The following NRSN1 variants were observed in gnomAD, a reference collection of about 807,000 sequenced individuals.
NRSN1 encodes the protein neurensin-1.
A neutral mutation model predicts 17.3 loss-of-function variants in NRSN1; 14 were observed. That is an observed-to-expected ratio of 0.81 (90% confidence interval 0.54 to 1.27). The LOEUF is 1.27. NRSN1 is among the 50% of genes most tolerant of loss of function. NRSN1 has a pLI of 0.00. For missense variants in NRSN1, 209 were observed against 235.9 expected (o/e 0.89, Z 0.75); for synonymous variants, 79 against 94.2 (o/e 0.84, Z 0.93).
intron 3 of NRSN1, chr6:24,141,012 G>A: frequency 6.8e-7 from 1 of 1,471,500 alleles, no homozygotes; most frequent in South Asian, 1.4e-5. Context: ...TGTTTCGGGA[G>A]TTTGTCACCA....
At chr6:24,130,490 A>C (rs1367817034) in intron 2 of NRSN1, among the ~76,000 whole-genome samples, 2 of 152,272 alleles carry the variant, frequency 1.3e-5, no homozygotes, top group East Asian at 3.9e-4. Flanking sequence ...TCACTCTAAC[A>C]TGTTATATTT....
chr6:24,126,750 G>A (rs1050558162), intron 1 of NRSN1, among the ~76,000 whole-genome samples: 1 of 152,142 alleles, frequency 6.6e-6, no homozygotes, highest in Non-Finnish European at 1.5e-5. Context: ...AGGCTGAATT[G>A]AGCCCCCACT....
At chr6:24,133,851 T>C (rs972283370) in intron 2 of NRSN1, among the ~76,000 whole-genome samples, 11 of 152,186 alleles carry the variant, frequency 7.2e-5, no homozygotes, top group Admixed American at 3.3e-4. Flanking sequence ...TTGTTTGTTT[T>C]ATTGAGACGG....
At chr6:24,131,397 A>AT (rs759824793) in intron 2 of NRSN1, among the ~76,000 whole-genome samples, 17 of 151,740 alleles carry the variant, frequency 1.1e-4, no homozygotes, top group African/African-American at 2.7e-4. Flanking sequence ...GCTATGAGGG[A>AT]TTTTTTTTTA....
chr6:24,127,692 T>C (rs1482664177), intron 1 of NRSN1, among the ~76,000 whole-genome samples: 2 of 152,134 alleles, frequency 1.3e-5, no homozygotes, highest in Non-Finnish European at 2.9e-5. Flanking sequence ...GAAAATATAG[T>C]GATTATAGGA....
chr6:24,133,087 C>T (rs1284114072), intron 2 of NRSN1, among the ~76,000 whole-genome samples: 1 of 151,794 alleles, frequency 6.6e-6, no homozygotes, highest in Non-Finnish European at 1.5e-5. Flanking sequence ...CATATAAATG[C>T]CTCTCTCTAA....
chr6:24,142,213 T>C lies in NRSN1; in HGVS notation c.190-3335T>C, dbSNP rs76972999. Among the ~76,000 whole-genome samples, 139 of 132,604 alleles carry C rather than the reference T, an allele frequency of 1.0e-3. 1 individual carries two copies. The highest frequency in any genetic ancestry group is 4.1e-3 in the Middle Eastern group (1 of 244). The allele number at this position is 132,604 out of a possible 152,430, so 87.0% of individuals were successfully genotyped here. A position where few individuals can be genotyped will look rare whatever the true frequency, so the allele number is the denominator to read the frequency against. ...CAGCTTTTTTTTTTTTTTTTTTTTT[T>C]TCAGAAGACATCCTATTGACTCTTT... is the stretch of plus-strand genomic sequence containing the variant. On this transcript the variant is annotated intron_variant, in intron 3 of 3. Transcript: ENST00000378491.
At chr6:24,126,580 GGTGGTTT>G (rs1480726831) in intron 1 of NRSN1, among the ~76,000 whole-genome samples, 1 of 152,140 alleles carries the variant, frequency 6.6e-6, no homozygotes, top group East Asian at 1.9e-4. Context: ...TCCATGCTTT[GGTGGTTT>G]GTGGTTTGTG....
Position 24,134,327 on chromosome 6 carries a change from G to T in NRSN1, c.-1G>T, listed in dbSNP as rs772376633. ...GGATGTTGTCATTCCAGCTGGGAAGGATGAGTTCTTGCAGCAACGTCTGTG... is the reference window on the plus strand; with the variant it reads ...GGATGTTGTCATTCCAGCTGGGAAGTATGAGTTCTTGCAGCAACGTCTGTG... On this transcript the variant is annotated 5_prime_UTR_variant, in exon 3 of 4. Transcript: ENST00000378491. 39 of 1,613,532 alleles carry T rather than the reference G, an allele frequency of 2.4e-5. No homozygotes were observed. Among genetic ancestry groups the T allele is most frequent in the Admixed American group, 1.7e-5 (1 of 59,936 alleles).
rs1462986416 is a variant in NRSN1 at position 24,147,454 on chromosome 6, T to G, written c.*1508T>G. Reference sequence around the variant, plus strand: ...CAGTGTGGTTATTTTCTCTCCAACATGTAATTTTCCATTCTGAGACTGAAT... The same window carrying G: ...CAGTGTGGTTATTTTCTCTCCAACAGGTAATTTTCCATTCTGAGACTGAAT... On this transcript the variant is annotated 3_prime_UTR_variant, in exon 4 of 4. Coordinates refer to ENST00000378491, the MANE Select transcript of NRSN1 (RefSeq NM_080723.5). 4 of 151,192 alleles carry G rather than the reference T, an allele frequency of 2.6e-5. No individual in the cohort carries two copies. The highest frequency in any genetic ancestry group is 2.0e-4 in the Admixed American group (3 of 15,164). The allele number at this position is 151,192 out of a possible 1,614,324, so 9.4% of individuals were successfully genotyped here.
chr6:24,140,017 G>A (rs890325336), intron 3 of NRSN1, among the ~76,000 whole-genome samples: 3 of 152,194 alleles, frequency 2.0e-5, no homozygotes, highest in East Asian at 3.8e-4. Context: ...TTGGAGCAGA[G>A]ATACACAGAG....
At chr6:24,134,004 T>TTGTGTGTGTGTGTGTGTGTGTGTG (rs71002461) in intron 2 of NRSN1, among the ~76,000 whole-genome samples, 3 of 132,858 alleles carry the variant, frequency 2.3e-5, no homozygotes, top group African/African-American at 5.8e-5. Flanking sequence ...ACCCAGCTAA[T>TTGTGTGTGTGTGTGTGTGTGTGTG]TGTGTGTGTG....
At chr6:24,131,159 A>G (rs982321057) in intron 2 of NRSN1, among the ~76,000 whole-genome samples, 7 of 152,234 alleles carry the variant, frequency 4.6e-5, no homozygotes, top group African/African-American at 1.7e-4. Flanking sequence ...ACTCAGGCTC[A>G]AAAACATGTG....
chr6:24,135,246 A>G (rs893474854), intron 3 of NRSN1, among the ~76,000 whole-genome samples: 1 of 152,172 alleles, frequency 6.6e-6, no homozygotes, highest in Non-Finnish European at 1.5e-5. Context: ...GGTGATGGAG[A>G]CTGGTATTTG....
chr6:24,134,636 A>G, intron 3 of NRSN1, 120 bp downstream of exon 3: 1 of 764,192 alleles, frequency 1.3e-6, no homozygotes, highest in Non-Finnish European at 2.1e-6. Flanking sequence ...TCTTGGTGAT[A>G]CTAAATGCAT....
intron 3 of NRSN1, among the ~76,000 whole-genome samples, chr6:24,137,516 T>C (rs1345277641): frequency 6.6e-6 from 1 of 151,790 alleles, no homozygotes; most frequent in Non-Finnish European, 1.5e-5. Flanking sequence ...GTACACAGAT[T>C]GTTGTTGTTT....
chr6:24,141,395 G>C lies in NRSN1; in HGVS notation c.190-4153G>C, dbSNP rs371984267. 13 of 429,352 alleles carry C rather than the reference G, an allele frequency of 3.0e-5. No individual in the cohort carries two copies. The East Asian group carries it at 5.7e-4, about 19-fold the overall frequency. 26.6% of individuals were successfully genotyped at this position (429,352 alleles called of 1,614,324 possible). A position where few individuals can be genotyped will look rare whatever the true frequency, so the allele number is the denominator to read the frequency against. ...CTCACCTCCCATATGCTACTCATGA[G>C]ACTCCTTCGTACCTATCATCCCACG... On this transcript the variant is annotated intron_variant, in intron 3 of 3. Transcript: ENST00000378491.
chr6:24,137,804 G>A (rs539402933), intron 3 of NRSN1, among the ~76,000 whole-genome samples: 24 of 152,190 alleles, frequency 1.6e-4, no homozygotes, highest in Admixed American at 8.5e-4. Flanking sequence ...GGAGCACAGA[G>A]GGGCAGGGTG....
rs1235646213 is a variant in NRSN1, at chr6:24,145,038, GATAT to G, written c.190-505_190-502del. 7.1e-6 allele frequency among the ~76,000 whole-genome samples: 1 copy of G among 140,056 alleles called. No homozygotes were observed. Among genetic ancestry groups the G allele is most frequent in the Non-Finnish European group, 1.5e-5 (1 of 65,190 alleles). 91.9% of individuals were successfully genotyped at this position (140,056 alleles called of 152,430 possible). ...ATTACATATCTACTTTTAGATATATGATATATATTATATATAATATATATCTTTA... is the reference window on the plus strand; with the variant it reads ...ATTACATATCTACTTTTAGATATATGATATTATATATAATATATATCTTTA... On this transcript the variant is annotated intron_variant, in intron 3 of 3. Coordinates refer to ENST00000378491, the MANE Select transcript of NRSN1 (RefSeq NM_080723.5). The surrounding 1 kb of genome is among the most constrained non-coding windows in gnomAD (Gnocchi z 4.4).
Sources: gnomAD v4.1 joint callset for allele counts (sites outside exome capture counted in the v4.1 genomes callset) on GRCh38, gnomAD v4.1.1 for gene constraint, Gnocchi (gnomAD v3.1) non-coding constraint, MANE v1.5 for transcripts, NCBI Gene and HGNC (gene_info 2026-07-23, HGNC 2026-07-21) for gene names.